The following ZC3H18 variants were observed in gnomAD, a reference collection of about 807,000 sequenced individuals.
The protein encoded by ZC3H18 is zinc finger CCCH domain-containing protein 18.
A neutral mutation model predicts 106.1 loss-of-function variants in ZC3H18; 8 were observed. The ratio of observed to expected loss-of-function variants is 0.08; its 90% CI spans 0.04 to 0.14. ZC3H18 has a LOEUF of 0.14. Ranked by LOEUF, ZC3H18 falls within the 10% of genes least tolerant of loss-of-function variation. ZC3H18 has a pLI of 1.00. For missense variants in ZC3H18, 1,318 were observed against 1,278.4 expected (o/e 1.03, Z -0.47); for synonymous variants, 635 against 522.1 (o/e 1.22, Z -2.95).
intron 13 of ZC3H18, 57 bp downstream of exon 13, chr16:88,625,324 C>T (rs984747802): frequency 1.9e-5 from 30 of 1,549,194 alleles, no homozygotes; most frequent in Non-Finnish European, 2.3e-5. Context: ...CCAGGAAGTC[C>T]CAGAAGCAGC....
At chr16:88,617,423 A>T (rs1209476729) in intron 8 of ZC3H18, among the ~76,000 whole-genome samples, 1 of 152,212 alleles carries the variant, frequency 6.6e-6, no homozygotes, top group Non-Finnish European at 1.5e-5. Context: ...TATCAAATGC[A>T]TCTGTAGAGC....
chr16:88,590,849 C>A (rs543618868), intron 3 of ZC3H18, among the ~76,000 whole-genome samples: 6 of 151,312 alleles, frequency 4.0e-5, no homozygotes, highest in Admixed American at 3.9e-4. Context: ...TGTGAGCCAC[C>A]ACACCCGGCC....
intron 16 of ZC3H18, among the ~76,000 whole-genome samples, chr16:88,629,532 G>A (rs560088925): frequency 1.2e-4 from 19 of 152,328 alleles, no homozygotes; most frequent in Admixed American, 1.2e-3. Flanking sequence ...GAGCAGGAAT[G>A]GCATTGGTTT....
rs759377088 is a variant in ZC3H18, at chr16:88,623,988, G to C, written c.1824G>C (p.Pro608=). 1.2e-6 allele frequency: 2 copies of C among 1,612,376 alleles called. No individual in the cohort carries two copies. The highest frequency in any genetic ancestry group is 1.7e-6 in the Non-Finnish European group (2 of 1,179,058). ...GGTCCTTCTCTTCGTCCCCGTCCCC[G>C]TCCCCAACACCTTCCCCACATAGAC... ...RSRSFSSSPS[P]SPTPSPHRPS... Residue 608 remains proline (P), a synonymous_variant, in exon 11 of 18, where the codon CCG becomes CCC. Transcript: ENST00000301011.
intron 8 of ZC3H18, among the ~76,000 whole-genome samples, chr16:88,617,683 G>T (rs945107722): frequency 1.3e-5 from 2 of 152,244 alleles, no homozygotes; most frequent in African/African-American, 4.8e-5. Flanking sequence ...CTGCGGTGGG[G>T]TTGTGGGGTG....
At chr16:88,600,037 C>T (rs1034924611) in intron 6 of ZC3H18, 89 bp downstream of exon 6, 29 of 1,504,658 alleles carry the variant, frequency 1.9e-5, no homozygotes, top group Middle Eastern at 2.1e-4. Flanking sequence ...CCCCAGGGTG[C>T]GCTCGGCTGA....
intron 1 of ZC3H18, among the ~76,000 whole-genome samples, chr16:88,573,746 C>G (rs1280492834): frequency 6.6e-6 from 1 of 151,902 alleles, no homozygotes; most frequent in Non-Finnish European, 1.5e-5. Context: ...TCCCAGTAGT[C>G]CTGTCTCTGG....
rs539653125 is a variant in ZC3H18, at chr16:88,594,553, G to T, written c.689-3625G>T. 1.1e-4 allele frequency among the ~76,000 whole-genome samples: 17 copies of T among 152,264 alleles called. No individual in the cohort carries two copies. In the South Asian group the frequency reaches 3.5e-3, roughly 32 times the overall value. ...TGTTTCCCTGATCCAGTTTGGGTTG[G>T]TTGCTACTGAGCATGCAGGTTCCCT... On this transcript the variant is annotated intron_variant, in intron 3 of 17. Transcript: ENST00000301011.
chr16:88,587,501 C>G, intron 3 of ZC3H18: 1 of 1,499,758 alleles, frequency 6.7e-7, no homozygotes. Context: ...CCTGTGTGTG[C>G]CATCTAAAGC....
At chr16:88,584,192 C>T (rs1400245980) in intron 2 of ZC3H18, among the ~76,000 whole-genome samples, 23 of 152,074 alleles carry the variant, frequency 1.5e-4, no homozygotes, top group Non-Finnish European at 2.9e-5. Flanking sequence ...GAGGCCAAGG[C>T]GGGCAGATCA....
chr16:88,611,735 C>T (rs1164382977), intron 8 of ZC3H18, among the ~76,000 whole-genome samples, 199 bp downstream of exon 8: 3 of 152,322 alleles, frequency 2.0e-5, no homozygotes, highest in Non-Finnish European at 4.4e-5. Context: ...CTCCCAAGGC[C>T]GTGACATCTG....
At chr16:88,576,880 C>T (rs1229414195) in intron 1 of ZC3H18, among the ~76,000 whole-genome samples, 4 of 152,182 alleles carry the variant, frequency 2.6e-5, no homozygotes, top group African/African-American at 9.7e-5. Context: ...TCTCATTTTG[C>T]CAGATTGCCA....
rs1400801381 is a variant in ZC3H18, at chr16:88,628,863, CCCAGCCCCTAGG to C, written c.2566+10_2566+21del. 1.2e-6 allele frequency: 2 copies of C among 1,613,758 alleles called. No homozygotes were observed. Among genetic ancestry groups the C allele is most frequent in the African/African-American group, 2.7e-5 (2 of 74,932 alleles). On this transcript the variant is annotated intron_variant, in intron 16 of 17. Transcript: ENST00000301011. ...CACATCCCCAGACCGAGGTGAGCCT[CCCAGCCCCTAGG>C]GGGCAGGGCAGAGGGACGGGAGCCT... is the stretch of plus-strand genomic sequence containing the variant.
At chr16:88,572,806 G>A (rs1914494425) in intron 1 of ZC3H18, among the ~76,000 whole-genome samples, 2 of 151,938 alleles carry the variant, frequency 1.3e-5, no homozygotes, top group Non-Finnish European at 2.9e-5. Flanking sequence ...TACCCAGGCT[G>A]GAGTGCAGTG....
At chr16:88,617,157 C>T (rs771960885) in intron 8 of ZC3H18, among the ~76,000 whole-genome samples, 1 of 152,170 alleles carries the variant, frequency 6.6e-6, no homozygotes, top group African/African-American at 2.4e-5. Flanking sequence ...TATCTCTAAG[C>T]TAATACCCCT....
In ZC3H18 at chr16:88,622,457, A is replaced by G; in HGVS notation, c.1667+69A>G. 2.0e-6 allele frequency: 3 copies of G among 1,480,408 alleles called. No homozygotes were observed. In the South Asian group the frequency reaches 4.0e-5, roughly 20 times the overall value. 91.7% of individuals were successfully genotyped at this position (1,480,408 alleles called of 1,614,324 possible). ...GCCGTCAGCTGACACCATGTACCTC[A>G]CTGGGTCAGGTGGGGAACACCCCAG... On this transcript the variant is annotated intron_variant, in intron 9 of 17. Transcript: ENST00000301011.
chr16:88,607,602 AT>A (rs1905075021), intron 6 of ZC3H18, among the ~76,000 whole-genome samples: 1 of 152,010 alleles, frequency 6.6e-6, no homozygotes, highest in African/African-American at 2.4e-5. Flanking sequence ...CTCCCCATTT[AT>A]TCACACGCTT....
intron 3 of ZC3H18, among the ~76,000 whole-genome samples, chr16:88,588,625 G>A (rs1301777697): frequency 2.0e-5 from 3 of 152,180 alleles, no homozygotes; most frequent in African/African-American, 4.8e-5. Context: ...ACTGAGTTTG[G>A]GTTTCAGCAA....
chr16:88,617,515 A>ATGCTCTT (rs1460601527), intron 8 of ZC3H18, among the ~76,000 whole-genome samples: 2 of 152,164 alleles, frequency 1.3e-5, no homozygotes, highest in Non-Finnish European at 2.9e-5. Context: ...CGTCATTACG[A>ATGCTCTT]TGCTCTTTGG....
Sources: allele counts gnomAD v4.1 joint callset (sites outside exome capture counted in the v4.1 genomes callset), GRCh38; gene constraint gnomAD v4.1.1; transcripts MANE v1.5; gene names NCBI Gene and HGNC (gene_info 2026-07-23, HGNC 2026-07-21).